ARHGEF17: variants seen among roughly 807,000 people sequenced by gnomAD.
The protein encoded by ARHGEF17 is 164 kDa Rho-specific guanine-nucleotide exchange factor.
ARHGEF17 carries 80 observed loss-of-function variants against 174.0 expected under a neutral mutation model. The ratio of observed to expected loss-of-function variants is 0.46; its 90% CI spans 0.38 to 0.55. The LOEUF is 0.55. Ranked by LOEUF, ARHGEF17 falls within the 20% of genes least tolerant of loss-of-function variation. The pLI is 0.00. For missense variants in ARHGEF17, 2,886 were observed against 2,839.7 expected (o/e 1.02, Z -0.37); for synonymous variants, 1,311 against 1,189.1 (o/e 1.10, Z -2.11).
chr11:73,323,481 G>C (rs61400770), intron 1 of ARHGEF17, among the ~76,000 whole-genome samples: 5,905 of 152,340 alleles, frequency 0.039, 434 homozygotes, highest in African/African-American at 0.14. Flanking sequence ...TGAGACCAGT[G>C]CTATTCTGTG....
chr11:73,352,208 C>A (rs1224159865), intron 2 of ARHGEF17, among the ~76,000 whole-genome samples: 7 of 152,130 alleles, frequency 4.6e-5, no homozygotes, highest in Admixed American at 2.0e-4. Flanking sequence ...CCTGTAATCC[C>A]AGCTACTCGG....
At chr11:73,324,464 C>T (rs1865069430) in intron 1 of ARHGEF17, among the ~76,000 whole-genome samples, 1 of 152,218 alleles carries the variant, frequency 6.6e-6, no homozygotes, top group Non-Finnish European at 1.5e-5. Flanking sequence ...TGCTGCTGTC[C>T]TGGGGACCAG....
intron 5 of ARHGEF17, 62 bp downstream of exon 5, chr11:73,356,015 G>A: frequency 3.1e-6 from 5 of 1,603,596 alleles, no homozygotes; most frequent in Non-Finnish European, 4.3e-6. Flanking sequence ...ATACAAGGAG[G>A]TCTAAGGCCC....
chr11:73,329,751 A>G (rs1033834166), intron 1 of ARHGEF17, among the ~76,000 whole-genome samples: 7 of 152,142 alleles, frequency 4.6e-5, no homozygotes, highest in African/African-American at 1.7e-4. Flanking sequence ...ATACCAAACT[A>G]TGCAACCACA....
intron 1 of ARHGEF17, among the ~76,000 whole-genome samples, chr11:73,341,393 G>A (rs529146355): frequency 1.3e-5 from 2 of 152,202 alleles, no homozygotes; most frequent in Non-Finnish European, 2.9e-5. Context: ...CTCAACCTCC[G>A]CCTCCCGGGT....
rs1317717939 is a variant in ARHGEF17, at chr11:73,308,582, A to G, written c.-57A>G. 4.4e-6 allele frequency: 6 copies of G among 1,354,292 alleles called. No individual in the cohort carries two copies. In the African/African-American group the frequency reaches 9.3e-5, roughly 21 times the overall value. 83.9% of individuals were successfully genotyped at this position (1,354,292 alleles called of 1,614,324 possible). On this transcript the variant is annotated 5_prime_UTR_variant, in exon 1 of 21. Transcript: ENST00000263674. Reference sequence around the variant, plus strand: ...CTGCGCTCCTAGGGAGTGGGGGCGCAGGGGGGGTTGGCCGCGGCTGCCCGA... The same window carrying G: ...CTGCGCTCCTAGGGAGTGGGGGCGCGGGGGGGGTTGGCCGCGGCTGCCCGA...
At position 73,363,847 on chromosome 11, in the gene ARHGEF17, G is replaced by T. The variant is rs367832344; in HGVS notation, c.5333+14G>T. ...GACCTGCATCTTGTAAGGCCCCAGG[G>T]TGGCCCTTCCTATCTAGACTCTTCT... On this transcript the variant is annotated intron_variant, in intron 16 of 20. Transcript: ENST00000263674. The T allele has an allele frequency of 9.5e-5, 153 of 1,613,296 alleles. No individual in the cohort carries two copies. Among genetic ancestry groups the T allele is most frequent in the Non-Finnish European group, 1.2e-4 (145 of 1,179,846 alleles).
Position 73,320,628 on chromosome 11 carries a change from CAAAAAAAAAAA to C in ARHGEF17, c.3192+8810_3192+8820del, listed in dbSNP as rs1165583721. Among the ~76,000 whole-genome samples the C allele has an allele frequency of 1.4e-4, 8 of 57,696 alleles. No homozygotes were observed. The East Asian group carries it at 4.3e-3, about 31-fold the overall frequency. 37.9% of individuals were successfully genotyped at this position (57,696 alleles called of 152,430 possible). On this transcript the variant is annotated intron_variant, in intron 1 of 20. Transcript: ENST00000263674. ...TGGGTGACAGAGCGAGACTCCGTCT[CAAAAAAAAAAA>C]AAAAAAAAAAAGATGATGATGATTT...
Position 73,367,970 on chromosome 11 carries a change from C to T in ARHGEF17, c.*190C>T, listed in dbSNP as rs1865869802. 3 of 606,938 alleles carry T rather than the reference C, an allele frequency of 4.9e-6. No homozygotes were observed. The highest frequency in any genetic ancestry group is 5.8e-5 in the East Asian group (2 of 34,568). 37.6% of individuals were successfully genotyped at this position (606,938 alleles called of 1,614,324 possible). A position where few individuals can be genotyped will look rare whatever the true frequency, so the allele number is the denominator to read the frequency against. ...ACTGGCCAGCCAGGCCATGGCTTCT[C>T]CCGACCCTCTGGCTGCCCCGGTGCT... On this transcript the variant is annotated 3_prime_UTR_variant, in exon 21 of 21. Coordinates refer to ENST00000263674, the MANE Select transcript of ARHGEF17 (RefSeq NM_014786.4).
chr11:73,314,542 G>A (rs532710125), intron 1 of ARHGEF17, among the ~76,000 whole-genome samples: 1 of 152,344 alleles, frequency 6.6e-6, no homozygotes, highest in East Asian at 1.9e-4. Context: ...TCAGAAGGAG[G>A]GAGTCAGCCT....
intron 12 of ARHGEF17, 68 bp from the exon 13 acceptor site, chr11:73,361,972 C>T: frequency 6.4e-7 from 1 of 1,562,120 alleles, no homozygotes; most frequent in Admixed American, 1.8e-5. Flanking sequence ...CCGGGGTTTC[C>T]CAGGAGTGGG....
rs1218490808 is a variant in ARHGEF17 at position 73,309,928 on chromosome 11, C to T, written c.1290C>T (p.Ser430=). The part of the protein sequence containing the change: ...SFGAGEGLLR[S]QARTRAKGPG... ...GAGCTGGGGAAGGGCTCCTGCGGTC[C>T]CAGGCTCGAACCCGTGCCAAAGGAC... is the stretch of plus-strand genomic sequence containing the variant. Residue 430 remains serine, a synonymous_variant, in exon 1 of 21, where the codon TCC becomes TCT. Transcript: ENST00000263674. 1.9e-6 allele frequency: 3 copies of T among 1,613,470 alleles called. No homozygotes were observed. The highest frequency in any genetic ancestry group is 1.7e-6 in the Non-Finnish European group (2 of 1,179,856).
At position 73,364,697 on chromosome 11, in the gene ARHGEF17, A is replaced by C; in HGVS notation, c.5550+97A>C. 3 of 1,469,828 alleles carry C rather than the reference A, an allele frequency of 2.0e-6. No homozygotes were observed. The East Asian group carries it at 7.1e-5, about 35-fold the overall frequency. 91.0% of individuals were successfully genotyped at this position (1,469,828 alleles called of 1,614,324 possible). ...CATGGTAGGGGCATAAGCAGCATCC[A>C]GCAGAGGGCTAGGGCCTTCCTCTGA... On this transcript the variant is annotated intron_variant, in intron 18 of 20. Transcript: ENST00000263674.
In ARHGEF17 at chr11:73,357,102, G is replaced by A. The variant is rs145628622; in HGVS notation, c.3969G>A (p.Lys1323=). The change falls in exon 8 of 21, where the codon AAG becomes AAA. Residue 1323 remains lysine, a synonymous_variant. Coordinates refer to ENST00000263674, the MANE Select transcript of ARHGEF17 (RefSeq NM_014786.4). ...TCGTCTGCACCACTCTGAAGCGAAAGTCAGGCTCCCTGCGGCGCAGCTCCA... is the reference window on the plus strand; with the variant it reads ...TCGTCTGCACCACTCTGAAGCGAAAATCAGGCTCCCTGCGGCGCAGCTCCA... ...DLIVCTTLKR[K]SGSLRRSSMS... The A allele has an allele frequency of 2.5e-5, 40 of 1,614,112 alleles. No homozygotes were observed. Among genetic ancestry groups the A allele is most frequent in the Non-Finnish European group, 2.8e-5 (33 of 1,180,054 alleles).
intron 1 of ARHGEF17, among the ~76,000 whole-genome samples, 182 bp downstream of exon 1, chr11:73,312,012 C>T (rs1864847356): frequency 6.6e-6 from 1 of 152,228 alleles, no homozygotes; most frequent in African/African-American, 2.4e-5. Flanking sequence ...CCTGTCTACT[C>T]AGGCCCTGTA....
In ARHGEF17 at chr11:73,351,032, C is replaced by A. The variant is rs181504472; in HGVS notation, c.3271-1798C>A. ...GTTTGTTCTTTCCTCCTGCTGTGTG[C>A]CCGCTTCTGTGTGGGGTGCCGGGAC... is the stretch of plus-strand genomic sequence containing the variant. On this transcript the variant is annotated intron_variant, in intron 2 of 20. Transcript: ENST00000263674. 3.3e-3 allele frequency among the ~76,000 whole-genome samples: 504 copies of A among 152,256 alleles called. 2 individuals are homozygous for A. The highest frequency in any genetic ancestry group is 0.011 in the African/African-American group (467 of 41,538).
Position 73,362,256 on chromosome 11 carries a change from G to T in ARHGEF17, c.4694+17G>T. 1.3e-6 allele frequency: 2 copies of T among 1,500,638 alleles called. No individual in the cohort carries two copies. Among genetic ancestry groups the T allele is most frequent in the Non-Finnish European group, 1.8e-6 (2 of 1,130,646 alleles). The allele number at this position is 1,500,638 out of a possible 1,614,324, so 93.0% of individuals were successfully genotyped here. ...CTGCCACCGGTGAGGCCTGGGCGGC[G>T]GGGTGGGCGGCACCGCGGGCCTGGG... On this transcript the variant is annotated intron_variant, in intron 13 of 20. Coordinates refer to ENST00000263674, the MANE Select transcript of ARHGEF17 (RefSeq NM_014786.4).
At position 73,362,459 on chromosome 11, in the gene ARHGEF17, C is replaced by A; in HGVS notation, c.4721C>A (p.Pro1574His). The A allele has an allele frequency of 6.3e-7, 1 of 1,584,534 alleles. No individual in the cohort carries two copies. Residue 1574 changes from proline to histidine, a missense_variant, in exon 14 of 21, where the codon CCT (proline) becomes CAT (histidine). Transcript: ENST00000263674. ...HREPPPSLRS[P>H]PETAPEPAGP... ...GAGCCTCCTCCGTCGCTGAGGAGTC[C>A]TCCAGAGACGGCACCGGAGCCCGCC...
chr11:73,351,178 C>T (rs1001547216), intron 2 of ARHGEF17, among the ~76,000 whole-genome samples: 3 of 152,212 alleles, frequency 2.0e-5, no homozygotes, highest in Non-Finnish European at 2.9e-5. Flanking sequence ...ACCATCATCC[C>T]GGCCTTTTCA....
Sources: allele counts gnomAD v4.1 joint callset (sites outside exome capture counted in the v4.1 genomes callset), GRCh38; gene constraint gnomAD v4.1.1; transcripts MANE v1.5; gene names NCBI Gene and HGNC (gene_info 2026-07-23, HGNC 2026-07-21).